Variants in USHBP1 observed in about 807,000 individuals in gnomAD.
The protein encoded by USHBP1 is USH1 protein network component harmonin binding protein 1, also known as harmonin-binding protein USHBP1.
A neutral mutation model predicts 76.2 loss-of-function variants in USHBP1; 67 were observed. That is an observed-to-expected ratio of 0.88 (90% confidence interval 0.72 to 1.08). USHBP1 has a LOEUF of 1.08. Among genes scored for constraint, USHBP1 ranks in the 50% least tolerant of loss-of-function variants. USHBP1 has a pLI of 0.00. For missense variants in USHBP1, 931 were observed against 915.0 expected, an observed-to-expected ratio of 1.02 and a Z score of -0.23; for synonymous variants, 322 against 362.2, an observed-to-expected ratio of 0.89 and a Z score of 1.26.
chr19:17,256,334 C>T (rs1568324393), intron 9 of USHBP1, 137 bp downstream of exon 9: 1 of 1,344,638 alleles, frequency 7.4e-7, no homozygotes, highest in East Asian at 2.3e-5. Context: ...TCCCTCAAAA[C>T]CCCAGCTCCA....
At position 17,250,300 on chromosome 19, in the gene USHBP1, G is replaced by A. The variant is rs61736673; in HGVS notation, c.2037C>T (p.Leu679=). 3,073 of 1,613,532 alleles carry A rather than the reference G, an allele frequency of 1.9e-3. 38 individuals carry two copies. In the African/African-American group the frequency reaches 0.031, roughly 16 times the overall value. ...EAQQAEEVAV[L]EATARALGKP... ...TCCCCAGGGCCCTTGCAGTGGCTTC[G>A]AGCACCGCCACCTCCTCGGCCTGCT... Residue 679 remains leucine, a synonymous_variant, in exon 13 of 13, where the codon CTC becomes CTT. Coordinates refer to ENST00000252597, the MANE Select transcript of USHBP1 (RefSeq NM_031941.4).
intron 12 of USHBP1, 39 bp from the exon 13 acceptor site, chr19:17,250,453 G>T: frequency 6.3e-7 from 1 of 1,593,862 alleles, no homozygotes; most frequent in Admixed American, 1.8e-5. Context: ...AACAGCCCCC[G>T]AGTCCACCCA....
chr19:17,258,246 T>C lies in USHBP1; in HGVS notation c.1186A>G (p.Met396Val). The C allele has an allele frequency of 6.2e-7, 1 of 1,614,096 alleles. No homozygotes were observed. The highest frequency in any genetic ancestry group is 8.5e-7 in the Non-Finnish European group (1 of 1,180,022). The change falls in exon 8 of 13, where the codon ATG becomes GTG. Residue 396 changes from methionine (M) to valine (V), a missense_variant. Transcript: ENST00000252597. ...GGATTCTGCTGTGCTCCTGCATCCA[T>C]GGCAGCCTCCTCTTGTGCCAGCAGC... ...WRLLAQEEAAMDAGAQQNPQP... is the reference protein window; with the variant it reads ...WRLLAQEEAAVDAGAQQNPQP...
chr19:17,252,158 G>T, intron 10 of USHBP1, 141 bp from the exon 11 acceptor site: 2 of 740,154 alleles, frequency 2.7e-6, no homozygotes, highest in Non-Finnish European at 4.4e-6. Context: ...ACCAATAAGA[G>T]CAAAATTATA....
At chr19:17,252,610 C>G (rs563392347) in intron 10 of USHBP1, among the ~76,000 whole-genome samples, 1 of 151,904 alleles carries the variant, frequency 6.6e-6, no homozygotes, top group African/African-American at 2.4e-5. Flanking sequence ...CCCTGTAATT[C>G]CAGCTACTTG....
In USHBP1 at chr19:17,259,802, C is replaced by G. The variant is rs1458349291; in HGVS notation, c.769-70G>C. 1.9e-6 allele frequency: 3 copies of G among 1,581,856 alleles called. No homozygotes were observed. In the Admixed American group the frequency reaches 5.3e-5, roughly 28 times the overall value. On this transcript the variant is annotated intron_variant, in intron 5 of 12. Coordinates refer to ENST00000252597, the MANE Select transcript of USHBP1 (RefSeq NM_031941.4). ...GCCTGGGATTGTAGGCATTTTGCAA[C>G]CCCAAAGCTGTTGGATCCCATGACA...
chr19:17,264,527 T>A (rs1309297219), intron 1 of USHBP1, 144 bp downstream of exon 1: 1 of 562,772 alleles, frequency 1.8e-6, no homozygotes, highest in Non-Finnish European at 3.1e-6. Context: ...AAGAAGGTTG[T>A]CCTGATCTCC....
At chr19:17,258,533 A>ACCCC in intron 7 of USHBP1, 148 bp from the exon 8 acceptor site, 1 of 780,184 alleles carries the variant, frequency 1.3e-6, no homozygotes, top group South Asian at 1.8e-5. Context: ...ACATGGTGAA[A>ACCCC]CCCCGTCTCT....
At chr19:17,259,833 T>C in intron 5 of USHBP1, 64 bp downstream of exon 5, 1 of 1,585,820 alleles carries the variant, frequency 6.3e-7, no homozygotes, top group Non-Finnish European at 8.6e-7. Flanking sequence ...TGACAAAGAT[T>C]TGAGTCTCAT....
chr19:17,253,721 C>G (rs1416164066), intron 10 of USHBP1, among the ~76,000 whole-genome samples: 2 of 149,590 alleles, frequency 1.3e-5, no homozygotes, highest in African/African-American at 2.4e-5. Context: ...TGGTGAAACC[C>G]TGTCACTACT....
chr19:17,263,702 G>C, intron 3 of USHBP1: 1 of 310,622 alleles, frequency 3.2e-6, no homozygotes, highest in South Asian at 7.3e-5. Flanking sequence ...AATGTGGCCT[G>C]TCTCACTAAA....
Position 17,259,737 on chromosome 19 carries a change from CAAG to C in USHBP1, c.769-8_769-6del, listed in dbSNP as rs2073665378. On this transcript the variant is annotated splice_polypyrimidine_tract_variant and splice_region_variant and intron_variant, in intron 5 of 12. Transcript: ENST00000252597. ...GTGAGCCAGGGAGAAGGAGTCCTGC[CAAG>C]AAGAAGTGATATAACTGACCCCAAT... is the stretch of plus-strand genomic sequence containing the variant. 4 of 1,606,930 alleles carry C rather than the reference CAAG, an allele frequency of 2.5e-6. No homozygotes were observed. The highest frequency in any genetic ancestry group is 3.4e-6 in the Non-Finnish European group (4 of 1,177,008).
chr19:17,250,110 C>T lies in USHBP1; in HGVS notation c.*115G>A. The T allele has an allele frequency of 3.1e-6, 4 of 1,272,704 alleles. No homozygotes were observed. In the South Asian group the frequency reaches 6.0e-5, roughly 19 times the overall value. 78.8% of individuals were successfully genotyped at this position (1,272,704 alleles called of 1,614,324 possible). On this transcript the variant is annotated 3_prime_UTR_variant, in exon 13 of 13. Transcript: ENST00000252597. ...GACACCCATGTGCACCAGCTTCCCT[C>T]ACGCCAAATGTGCCCCAACATGCCA...
intron 4 of USHBP1, among the ~76,000 whole-genome samples, chr19:17,260,846 T>C (rs147683589): frequency 2.0e-5 from 3 of 152,290 alleles, no homozygotes; most frequent in African/African-American, 7.2e-5. Flanking sequence ...CTCTCCCTTC[T>C]AGTCCAGCAG....
intron 9 of USHBP1, 23 bp downstream of exon 9, chr19:17,256,448 C>G: frequency 6.2e-7 from 1 of 1,611,838 alleles, no homozygotes; most frequent in South Asian, 1.1e-5. Flanking sequence ...AAGACTGACA[C>G]AGTGGCCACA....
Position 17,262,965 on chromosome 19 carries a change from A to C in USHBP1, c.229T>G (p.Ser77Ala), listed in dbSNP as rs756393655. ...SRTDKKMDGG[S>A]GRELASAPEV... Reference sequence around the variant, plus strand: ...GGGGCTGAGGCCAGTTCCCTGCCAGAGCCCCCATCCATCTTCTTGTCAGTC... The same window carrying C: ...GGGGCTGAGGCCAGTTCCCTGCCAGCGCCCCCATCCATCTTCTTGTCAGTC... Residue 77 changes from serine to alanine, a missense_variant, in exon 4 of 13, where the codon TCT becomes GCT. Physicochemically the swap from Ser to Ala is moderately conservative, Grantham distance 99. Coordinates refer to ENST00000252597, the MANE Select transcript of USHBP1 (RefSeq NM_031941.4). 4 of 1,522,568 alleles carry C rather than the reference A, an allele frequency of 2.6e-6. No individual in the cohort carries two copies. In the South Asian group the frequency reaches 3.9e-5, roughly 15 times the overall value. The allele number at this position is 1,522,568 out of a possible 1,614,324, so 94.3% of individuals were successfully genotyped here. A position where few individuals can be genotyped will look rare whatever the true frequency, so the allele number is the denominator to read the frequency against.
chr19:17,259,714 G>C lies in USHBP1; in HGVS notation c.787C>G (p.His263Asp). 6.2e-7 allele frequency: 1 copy of C among 1,612,240 alleles called. No individual in the cohort carries two copies. Among genetic ancestry groups the C allele is most frequent in the South Asian group, 1.1e-5 (1 of 90,788 alleles). Residue 263 changes from histidine to aspartate, a missense_variant, in exon 6 of 13, where the codon CAC (histidine) becomes GAC (aspartate). By Grantham distance (81) the His-to-Asp change is moderately conservative (BLOSUM62 -1). Coordinates refer to ENST00000252597, the MANE Select transcript of USHBP1 (RefSeq NM_031941.4). ...CTGCGGAGGCGCCGAAGCAGGGGGT[G>C]AGCCAGGGAGAAGGAGTCCTGCCAA... ...WETQDSFSLA[H>D]PLLRRLRSHS...
Position 17,250,150 on chromosome 19 carries a change from A to G in USHBP1, c.*75T>C. The G allele has an allele frequency of 6.8e-7, 1 of 1,481,370 alleles. No individual in the cohort carries two copies. The highest frequency in any genetic ancestry group is 9.1e-7 in the Non-Finnish European group (1 of 1,101,618). 91.8% of individuals were successfully genotyped at this position (1,481,370 alleles called of 1,614,324 possible). ...CCAACATGCCAAATCATGCAACATG[A>G]CATGATGTCACTCCAGGACAGTTTA... On this transcript the variant is annotated 3_prime_UTR_variant, in exon 13 of 13. Transcript: ENST00000252597.
intron 12 of USHBP1, among the ~76,000 whole-genome samples, chr19:17,250,776 A>G (rs142575993): frequency 0.01 from 1,504 of 149,410 alleles, 19 homozygotes; most frequent in African/African-American, 0.034. Context: ...CTGGTCTTGA[A>G]CTCCTGACCT....
Sources: allele counts gnomAD v4.1 joint callset (sites outside exome capture counted in the v4.1 genomes callset), GRCh38; gene constraint gnomAD v4.1.1; transcripts MANE v1.5; gene names NCBI Gene and HGNC (gene_info 2026-07-23, HGNC 2026-07-21).